C8orf34: variants seen among roughly 807,000 people sequenced by gnomAD.
The protein encoded by C8orf34 is chromosome 8 open reading frame 34.
A neutral mutation model predicts 68.3 loss-of-function variants in C8orf34; 65 were observed. The observed-to-expected ratio is 0.95, with a 90% CI of 0.78 to 1.17. The LOEUF (loss-of-function observed/expected upper bound fraction) is 1.17, where lower values mean the gene tolerates loss of function less well. Among genes scored for constraint, C8orf34 ranks in the 50% most tolerant of loss-of-function variants. C8orf34 has a pLI of 0.00. For synonymous variants in C8orf34, 244 were observed against 241.2 expected (o/e 1.01, Z -0.11); for missense variants, 664 against 655.4 (o/e 1.01, Z -0.14).
chr8:68,754,026 G>C (rs1000704949), intron 10 of C8orf34, among the ~76,000 whole-genome samples: 6 of 151,966 alleles, frequency 3.9e-5, no homozygotes, highest in African/African-American at 1.5e-4. Context: ...GCAAGTACCA[G>C]TATCTGTAGT....
chr8:68,806,244 T>G (rs1407606718), intron 12 of C8orf34, among the ~76,000 whole-genome samples: 1 of 152,082 alleles, frequency 6.6e-6, no homozygotes, highest in African/African-American at 2.4e-5. Flanking sequence ...ATTTTCCCAG[T>G]TTTATTCTGT....
In C8orf34 at chr8:68,437,151, T is replaced by G. The variant is rs143153486; in HGVS notation, c.328-2348T>G. Among the ~76,000 whole-genome samples, 1,161 of 152,290 alleles carry G rather than the reference T, an allele frequency of 7.6e-3. 15 individuals carry two copies. The highest frequency in any genetic ancestry group is 0.025 in the African/African-American group (1,059 of 41,560). ...ATATATTCATTAATACAATACAAAT[T>G]TATCCAAAATAGTTAATAGACTGAT... On this transcript the variant is annotated intron_variant, in intron 1 of 13. Coordinates refer to ENST00000518698, the MANE Select transcript of C8orf34 (RefSeq NM_052958.4).
chr8:68,386,242 CAG>C (rs1808255202), intron 1 of C8orf34, among the ~76,000 whole-genome samples: 1 of 152,104 alleles, frequency 6.6e-6, no homozygotes, highest in African/African-American at 2.4e-5. Flanking sequence ...CAAAACAAAA[CAG>C]AGCCTGAACT....
intron 5 of C8orf34, among the ~76,000 whole-genome samples, chr8:68,497,524 A>G (rs1485149199): frequency 6.6e-6 from 1 of 152,224 alleles, no homozygotes; most frequent in Non-Finnish European, 1.5e-5. Context: ...TATTCCAAAG[A>G]CACACTAGCA....
chr8:68,382,932 T>C (rs916842810), intron 1 of C8orf34, among the ~76,000 whole-genome samples: 2 of 152,300 alleles, frequency 1.3e-5, no homozygotes, highest in Non-Finnish European at 2.9e-5. Flanking sequence ...GCCAGTTTCA[T>C]CCTCCTGGGA....
At chr8:68,506,282 AT>A (rs542637765) in intron 5 of C8orf34, among the ~76,000 whole-genome samples, 30 of 152,268 alleles carry the variant, frequency 2.0e-4, no homozygotes, top group African/African-American at 7.2e-4. Flanking sequence ...ACAGTTCATA[AT>A]TTTTTTAACT....
In C8orf34 at chr8:68,470,719, C is replaced by A. The variant is rs886907377; in HGVS notation, c.736+1899C>A. Among the ~76,000 whole-genome samples, 5 of 152,148 alleles carry A rather than the reference C, an allele frequency of 3.3e-5. No homozygotes were observed. In the South Asian group the frequency reaches 8.3e-4, roughly 25 times the overall value. ...TCTGATGAGGACCTGTTTCTTGGTT[C>A]CACAGATTGTATATCCTAGCTGTGT... On this transcript the variant is annotated intron_variant, in intron 4 of 13. Transcript: ENST00000518698.
At position 68,537,549 on chromosome 8, in the gene C8orf34, T is replaced by C. The variant is rs189479584; in HGVS notation, c.1105+4400T>C. ...ATGTCCTCCTTCCTGATATATTTTA[T>C]AGGAGCACTTGAAAAATGAACTGCT... is the stretch of plus-strand genomic sequence containing the variant. On this transcript the variant is annotated intron_variant, in intron 7 of 13. Transcript: ENST00000518698. Among the ~76,000 whole-genome samples, 14 of 151,652 alleles carry C rather than the reference T, an allele frequency of 9.2e-5. No homozygotes were observed. The East Asian group carries it at 2.5e-3, about 27-fold the overall frequency.
At chr8:68,332,883 G>A (rs1044390382) in intron 1 of C8orf34, among the ~76,000 whole-genome samples, 11 of 152,076 alleles carry the variant, frequency 7.2e-5, no homozygotes, top group African/African-American at 2.7e-4. Flanking sequence ...TCTTTTCTTT[G>A]CCTTTAGTTT....
intron 1 of C8orf34, among the ~76,000 whole-genome samples, chr8:68,339,011 TC>T (rs1585941127): frequency 6.6e-6 from 1 of 152,278 alleles, no homozygotes; most frequent in East Asian, 1.9e-4. Context: ...CTTCCGTATA[TC>T]TTTGGTGATG....
At chr8:68,454,965 A>G (rs1380342374) in intron 3 of C8orf34, among the ~76,000 whole-genome samples, 3 of 151,892 alleles carry the variant, frequency 2.0e-5, no homozygotes, top group African/African-American at 7.2e-5. Flanking sequence ...TTTTTGTCAC[A>G]AAGTATTTTC....
chr8:68,629,592 T>G (rs955379439), intron 7 of C8orf34, among the ~76,000 whole-genome samples: 1 of 152,182 alleles, frequency 6.6e-6, no homozygotes, highest in South Asian at 2.1e-4. Flanking sequence ...ATTAATTAAT[T>G]ATCAAATTAT....
intron 10 of C8orf34, among the ~76,000 whole-genome samples, chr8:68,771,269 C>A (rs1823327324): frequency 6.6e-6 from 1 of 152,136 alleles, no homozygotes. Flanking sequence ...TTCTTTTGGA[C>A]ATGAATAGTA....
intron 1 of C8orf34, among the ~76,000 whole-genome samples, chr8:68,336,787 G>A (rs915160268): frequency 1.3e-5 from 2 of 152,086 alleles, no homozygotes; most frequent in African/African-American, 4.8e-5. Context: ...TTGGGGCTAA[G>A]CAAGGTTTGG....
intron 7 of C8orf34, chr8:68,625,646 G>A (rs754617016): frequency 7.0e-5 from 49 of 701,458 alleles, no homozygotes; most frequent in African/African-American, 4.2e-4. Flanking sequence ...GCATCTCAGC[G>A]GTGGGAAAGG....
chr8:68,474,744 C>T (rs941004706), intron 4 of C8orf34, among the ~76,000 whole-genome samples: 5 of 152,166 alleles, frequency 3.3e-5, no homozygotes, highest in Non-Finnish European at 5.9e-5. Flanking sequence ...AAGGTCACTG[C>T]GGAAGCAGAA....
chr8:68,788,695 C>T (rs540432350), intron 12 of C8orf34, among the ~76,000 whole-genome samples: 3 of 152,100 alleles, frequency 2.0e-5, no homozygotes, highest in African/African-American at 7.2e-5. Context: ...CCCGTCACTA[C>T]TAAAAATGCA....
chr8:68,784,609 C>G (rs934099892), intron 11 of C8orf34, among the ~76,000 whole-genome samples: 2 of 152,156 alleles, frequency 1.3e-5, no homozygotes, highest in Admixed American at 1.3e-4. Context: ...CTATTCTCAT[C>G]CATTCATTTA....
intron 12 of C8orf34, among the ~76,000 whole-genome samples, chr8:68,812,158 A>G (rs1213602089): frequency 6.6e-6 from 1 of 152,216 alleles, no homozygotes; most frequent in African/African-American, 2.4e-5. Context: ...TGATGTAGTT[A>G]TATTTACAGT....
Sources: allele counts gnomAD v4.1 joint callset (sites outside exome capture counted in the v4.1 genomes callset), GRCh38; gene constraint gnomAD v4.1.1; transcripts MANE v1.5; gene names NCBI Gene and HGNC (gene_info 2026-07-23, HGNC 2026-07-21).